The following CCDC178 variants were observed in gnomAD, a reference collection of about 807,000 sequenced individuals.
CCDC178 encodes the protein coiled-coil domain-containing protein 178.
CCDC178 carries 126 observed loss-of-function variants against 117.4 expected under a neutral mutation model. That is an observed-to-expected ratio of 1.07 (90% CI 0.93 to 1.24). The LOEUF (loss-of-function observed/expected upper bound fraction) is 1.24, where lower values mean the gene tolerates loss of function less well. Ranked by LOEUF, CCDC178 falls within the 50% of genes most tolerant of loss-of-function variation. CCDC178 has a pLI of 0.00. For synonymous variants in CCDC178, 283 were observed against 313.4 expected (o/e 0.90, Z 1.02); for missense variants, 1,030 against 986.9 (o/e 1.04, Z -0.59).
At chr18:33,370,346 C>A (rs753625672) in intron 5 of CCDC178, among the ~76,000 whole-genome samples, 157 bp from the exon 6 acceptor site, 1 of 151,842 alleles carries the variant, frequency 6.6e-6, no homozygotes, top group African/African-American at 2.4e-5. Context: ...TAGAACAAAT[C>A]TTTAAAAAAC....
intron 22 of CCDC178, among the ~76,000 whole-genome samples, chr18:32,970,949 T>C (rs1288172199): frequency 6.6e-6 from 1 of 152,116 alleles, no homozygotes; most frequent in African/African-American, 2.4e-5. Flanking sequence ...AATCATTTTG[T>C]AGAGGAAGTG....
chr18:33,006,682 C>T (rs2055756842), intron 21 of CCDC178, among the ~76,000 whole-genome samples: 3 of 151,962 alleles, frequency 2.0e-5, no homozygotes, highest in African/African-American at 7.2e-5. Flanking sequence ...GAGGTCATTC[C>T]TGTGATTATG....
chr18:32,994,250 T>C (rs1407700263), intron 21 of CCDC178, among the ~76,000 whole-genome samples: 1 of 152,196 alleles, frequency 6.6e-6, no homozygotes, highest in Non-Finnish European at 1.5e-5. Flanking sequence ...TACTTGATTT[T>C]AGTTCTTTAA....
intron 18 of CCDC178, among the ~76,000 whole-genome samples, chr18:33,219,497 T>C (rs1171881144): frequency 1.3e-5 from 2 of 152,162 alleles, no homozygotes; most frequent in Non-Finnish European, 2.9e-5. Flanking sequence ...TGCGGCACTA[T>C]TCACAATAGC....
chr18:33,043,321 TATC>T (rs373778849), intron 21 of CCDC178, among the ~76,000 whole-genome samples: 8 of 152,236 alleles, frequency 5.3e-5, no homozygotes, highest in South Asian at 2.1e-4. Flanking sequence ...TACTGAGAAT[TATC>T]ATAGAACAAT....
chr18:33,230,244 G>A (rs1206387830), intron 15 of CCDC178, among the ~76,000 whole-genome samples: 3 of 146,518 alleles, frequency 2.0e-5, no homozygotes, highest in South Asian at 2.1e-4. Context: ...TTAACTCAGA[G>A]GCTGTGTGTG....
intron 12 of CCDC178, among the ~76,000 whole-genome samples, chr18:33,291,661 A>G (rs2060167229): frequency 6.6e-6 from 1 of 152,158 alleles, no homozygotes; most frequent in South Asian, 2.1e-4. Flanking sequence ...CAGAAAAAGA[A>G]AGCTTCATCT....
intron 11 of CCDC178, among the ~76,000 whole-genome samples, chr18:33,299,619 AC>A (rs1599126236): frequency 1.3e-5 from 2 of 152,204 alleles, no homozygotes; most frequent in East Asian, 3.9e-4. Context: ...GCATAAATAA[AC>A]AAATGGGATA....
chr18:33,388,519 AT>A lies in CCDC178; in HGVS notation c.208+1020del, dbSNP rs71159828. On this transcript the variant is annotated intron_variant, in intron 5 of 22. Coordinates refer to ENST00000383096, the MANE Select transcript of CCDC178 (RefSeq NM_001105528.4). ...AAATGTGGTACATATACACCACGGAATTTTTTTTTTTTTTTTTTGAGACGGA... is the reference window on the plus strand; with the variant it reads ...AAATGTGGTACATATACACCACGGAATTTTTTTTTTTTTTTTTGAGACGGA... 2.8e-4 allele frequency among the ~76,000 whole-genome samples: 18 copies of A among 65,268 alleles called. 2 individuals carry two copies. The highest frequency in any genetic ancestry group is 3.4e-4 in the Non-Finnish European group (13 of 38,658). 42.8% of individuals were successfully genotyped at this position (65,268 alleles called of 152,430 possible). A position where few individuals can be genotyped will look rare whatever the true frequency, so the allele number is the denominator to read the frequency against.
chr18:33,313,465 C>T (rs939168749), intron 11 of CCDC178, among the ~76,000 whole-genome samples: 3 of 152,174 alleles, frequency 2.0e-5, no homozygotes, highest in Non-Finnish European at 4.4e-5. Context: ...TAAAAGCCTC[C>T]AAATGTAGTT....
chr18:32,982,537 G>T (rs574235560), intron 21 of CCDC178, among the ~76,000 whole-genome samples: 1 of 152,030 alleles, frequency 6.6e-6, no homozygotes, highest in African/African-American at 2.4e-5. Flanking sequence ...ACAACTGCTG[G>T]ATTCAAATCT....
At chr18:33,077,817 C>A (rs1201245918) in intron 21 of CCDC178, among the ~76,000 whole-genome samples, 1 of 152,038 alleles carries the variant, frequency 6.6e-6, no homozygotes, top group African/African-American at 2.4e-5. Flanking sequence ...CAGCCCAGGA[C>A]CAGAAGAATT....
chr18:33,306,119 C>G (rs2062244426), intron 11 of CCDC178, among the ~76,000 whole-genome samples: 1 of 152,120 alleles, frequency 6.6e-6, no homozygotes, highest in Non-Finnish European at 1.5e-5. Context: ...GTTGCTCGTC[C>G]TAAGACTTAT....
At chr18:33,342,799 G>T (rs908564773) in intron 9 of CCDC178, among the ~76,000 whole-genome samples, 1 of 152,112 alleles carries the variant, frequency 6.6e-6, no homozygotes, top group Non-Finnish European at 1.5e-5. Context: ...GTTCCAAGGT[G>T]GTTGTTACAA....
intron 2 of CCDC178, among the ~76,000 whole-genome samples, chr18:33,433,263 C>T (rs1210574099): frequency 1.3e-5 from 2 of 152,106 alleles, no homozygotes; most frequent in African/African-American, 2.4e-5. Context: ...AATTTTTATT[C>T]ATCCAGATTC....
At chr18:33,227,757 C>A (rs1032985153) in intron 15 of CCDC178, among the ~76,000 whole-genome samples, 1 of 151,676 alleles carries the variant, frequency 6.6e-6, no homozygotes, top group Admixed American at 6.6e-5. Flanking sequence ...TATAGCAAAC[C>A]AGCAAAATTA....
intron 12 of CCDC178, among the ~76,000 whole-genome samples, chr18:33,288,840 G>A (rs577607995): frequency 5.9e-5 from 9 of 152,276 alleles, no homozygotes; most frequent in Middle Eastern, 3.4e-3. Context: ...TGAGGGAAGA[G>A]TATTTATAAA....
At chr18:33,368,778 G>A (rs1362097490) in intron 6 of CCDC178, among the ~76,000 whole-genome samples, 8 of 151,848 alleles carry the variant, frequency 5.3e-5, no homozygotes, top group South Asian at 2.1e-4. Context: ...TAAGGTCTAA[G>A]AGCAATGATG....
intron 2 of CCDC178, among the ~76,000 whole-genome samples, chr18:33,435,358 A>T (rs2064274337): frequency 6.6e-6 from 1 of 152,196 alleles, no homozygotes; most frequent in African/African-American, 2.4e-5. Context: ...ATGATTGCAG[A>T]AAAGTCTTTT....
Sources: allele counts gnomAD v4.1 joint callset (sites outside exome capture counted in the v4.1 genomes callset), GRCh38; gene constraint gnomAD v4.1.1; transcripts MANE v1.5; gene names NCBI Gene and HGNC (gene_info 2026-07-23, HGNC 2026-07-21).